The following CLASP2 variants were observed in gnomAD, a reference collection of about 807,000 sequenced individuals.
The protein encoded by CLASP2 is cytoplasmic linker associated protein 2, also known as CLIP-associating protein 2.
Under a neutral mutation model 194.4 loss-of-function variants are expected in CLASP2, and 47 were observed. The observed-to-expected ratio is 0.24, with a 90% CI of 0.19 to 0.31. The LOEUF (loss-of-function observed/expected upper bound fraction) is 0.31. CLASP2 is among the 10% of genes least tolerant of loss of function. CLASP2 has a pLI of 1.00. For missense variants in CLASP2, 1,445 were observed against 1,823.6 expected (o/e 0.79, Z 3.78); for synonymous variants, 619 against 633.5 (o/e 0.98, Z 0.34).
At chr3:33,677,217 G>T (rs914477644) in intron 6 of CLASP2, among the ~76,000 whole-genome samples, 2 of 152,084 alleles carry the variant, frequency 1.3e-5, no homozygotes, top group African/African-American at 2.4e-5. Context: ...TATACCCAAA[G>T]GACTATAAAT....
intron 30 of CLASP2, 78 bp downstream of exon 30, chr3:33,551,174 T>C (rs898226347): frequency 2.2e-5 from 28 of 1,286,226 alleles, no homozygotes; most frequent in Non-Finnish European, 2.2e-6. Flanking sequence ...CCTGAAAATA[T>C]TAGCTTCCTT....
chr3:33,671,151 T>A (rs1016646752), intron 6 of CLASP2, among the ~76,000 whole-genome samples: 4 of 151,794 alleles, frequency 2.6e-5, no homozygotes, highest in Non-Finnish European at 5.9e-5. Context: ...CCCACCTAAG[T>A]GAGAGGAGGG....
chr3:33,527,129 G>C (rs2054781955), intron 34 of CLASP2, among the ~76,000 whole-genome samples: 1 of 152,024 alleles, frequency 6.6e-6, no homozygotes, highest in African/African-American at 2.4e-5. Flanking sequence ...AATCAGAGCT[G>C]AAATGAAAGA....
chr3:33,689,806 T>A (rs1419635396), intron 3 of CLASP2, 23 bp downstream of exon 3: 1 of 1,500,826 alleles, frequency 6.7e-7, no homozygotes, highest in South Asian at 1.3e-5. Flanking sequence ...TAGCAAAATC[T>A]GAATTTTAAA....
At chr3:33,667,636 G>T (rs1484326043) in intron 6 of CLASP2, among the ~76,000 whole-genome samples, 4 of 152,054 alleles carry the variant, frequency 2.6e-5, no homozygotes, top group Non-Finnish European at 5.9e-5. Flanking sequence ...ACATTTGGTT[G>T]TATGATCCAT....
At position 33,559,379 on chromosome 3, in the gene CLASP2, A is replaced by G. The variant is rs573033742; in HGVS notation, c.2937T>C (p.Ser979=). The G allele has an allele frequency of 2.5e-6, 4 of 1,582,968 alleles. No homozygotes were observed. Among genetic ancestry groups the G allele is most frequent in the Admixed American group, 3.5e-5 (2 of 56,608 alleles). Residue 979 remains serine, a synonymous_variant, in exon 29 of 39, where the codon TCT becomes TCC. Coordinates refer to ENST00000682230, the MANE Select transcript of CLASP2 (RefSeq NM_001365631.1). ...VQKALDVTRE[S]FPNDLQFNIL... ...TATTGAACTGAAGATCATTTGGAAA[A>G]GACTCTCTGAAACAAGAACAAAGCA...
chr3:33,715,604 G>A (rs1442079670), intron 1 of CLASP2, among the ~76,000 whole-genome samples: 1 of 151,726 alleles, frequency 6.6e-6, no homozygotes, highest in Non-Finnish European at 1.5e-5. Context: ...TGAATGAATG[G>A]GCCTTGTCTT....
intron 31 of CLASP2, among the ~76,000 whole-genome samples, chr3:33,544,154 T>A (rs377686372): frequency 2.0e-5 from 3 of 152,158 alleles, no homozygotes; most frequent in African/African-American, 7.2e-5. Flanking sequence ...CAGTAAAAAA[T>A]ATATATATGT....
intron 8 of CLASP2, among the ~76,000 whole-genome samples, chr3:33,633,608 G>C (rs1397304124): frequency 6.6e-6 from 1 of 151,834 alleles, no homozygotes; most frequent in African/African-American, 2.4e-5. Flanking sequence ...GAACAGATGT[G>C]AATATATATG....
At chr3:33,521,574 TGA>T (rs1211000548) in intron 34 of CLASP2, among the ~76,000 whole-genome samples, 1 of 152,242 alleles carries the variant, frequency 6.6e-6, no homozygotes, top group Admixed American at 6.5e-5. Flanking sequence ...GTCATGGTCA[TGA>T]GAGCTAAGGA....
intron 37 of CLASP2, chr3:33,504,124 T>G (rs1208951870): frequency 6.6e-6 from 1 of 152,182 alleles, no homozygotes; most frequent in East Asian, 1.9e-4. Context: ...ATACTATAGG[T>G]TGTCTTTTCA....
intron 32 of CLASP2, among the ~76,000 whole-genome samples, chr3:33,539,649 T>C (rs968144942): frequency 2.0e-5 from 3 of 152,180 alleles, no homozygotes; most frequent in Non-Finnish European, 2.9e-5. Flanking sequence ...AATAAAATTT[T>C]ATTAAACATA....
intron 7 of CLASP2, among the ~76,000 whole-genome samples, chr3:33,655,549 C>T (rs2084008349): frequency 6.6e-6 from 1 of 152,120 alleles, no homozygotes; most frequent in Non-Finnish European, 1.5e-5. Context: ...TTATAGACTT[C>T]TTTTCCCTCT....
chr3:33,511,761 C>T (rs1380044605), intron 36 of CLASP2, among the ~76,000 whole-genome samples: 5 of 66,164 alleles, frequency 7.6e-5, no homozygotes, highest in Admixed American at 2.2e-4. Flanking sequence ...TGAACAGACA[C>T]TTCTCAAAAG....
At chr3:33,519,164 A>C (rs934863891) in intron 34 of CLASP2, among the ~76,000 whole-genome samples, 1 of 152,000 alleles carries the variant, frequency 6.6e-6, no homozygotes, top group Admixed American at 6.5e-5. Context: ...AATTCTGATA[A>C]TATTTTTGTG....
At position 33,602,971 on chromosome 3, in the gene CLASP2, T is replaced by C. The variant is rs2072706579; in HGVS notation, c.1905A>G (p.Ala635=). ...TCTTACCTAGTGACGCATAGGAACC[T>C]GCATTCAGGGCACCTGCACCTAAGC... The part of the protein sequence containing the change: ...SGRLGAGALN[A]GSYASLEDTS... The change falls in exon 18 of 39, where the codon GCA becomes GCG. Residue 635 remains alanine (A), a synonymous_variant. Coordinates refer to ENST00000682230, the MANE Select transcript of CLASP2 (RefSeq NM_001365631.1). 1.2e-6 allele frequency: 2 copies of C among 1,610,470 alleles called. No individual in the cohort carries two copies. Among genetic ancestry groups the C allele is most frequent in the Admixed American group, 1.7e-5 (1 of 59,608 alleles).
intron 1 of CLASP2, among the ~76,000 whole-genome samples, chr3:33,705,187 T>C (rs1013340595): frequency 6.6e-6 from 1 of 152,204 alleles, no homozygotes; most frequent in East Asian, 1.9e-4. Context: ...AAATGTAGTA[T>C]ATGCATACAA....
At chr3:33,571,460 C>T (rs1000979958) in intron 25 of CLASP2, among the ~76,000 whole-genome samples, 6 of 151,728 alleles carry the variant, frequency 4.0e-5, no homozygotes, top group East Asian at 2.0e-4. Context: ...GAAACCCTGT[C>T]TCTACTAAAA....
intron 21 of CLASP2, among the ~76,000 whole-genome samples, chr3:33,586,384 C>T (rs1243883502): frequency 3.9e-5 from 6 of 152,070 alleles, no homozygotes; most frequent in African/African-American, 9.7e-5. Flanking sequence ...CTGCCTGCCT[C>T]GGCCTACCAA....
Sources: gnomAD v4.1 joint callset for allele counts (sites outside exome capture counted in the v4.1 genomes callset) on GRCh38, gnomAD v4.1.1 for gene constraint, MANE v1.5 for transcripts, NCBI Gene and HGNC (gene_info 2026-07-23, HGNC 2026-07-21) for gene names.